ANK3: variants seen among roughly 807,000 people sequenced by gnomAD.
ANK3 encodes ankyrin-3.
In ANK3, 57 loss-of-function variants were observed where a neutral mutation model predicts 370.9. That is an observed-to-expected ratio of 0.15 (90% confidence interval 0.12 to 0.19). The LOEUF (loss-of-function observed/expected upper bound fraction) is 0.19. Among genes scored for constraint, ANK3 ranks in the 10% least tolerant of loss-of-function variants. The pLI, the probability that ANK3 is intolerant of heterozygous loss-of-function variation, is 1.00. For synonymous variants in ANK3, 1,929 were observed against 1,946.3 expected (o/e 0.99, Z 0.23); for missense variants, 4,439 against 5,302.1 (o/e 0.84, Z 5.06).
At chr10:60,670,512 G>C (rs1474353163) in intron 1 of ANK3, among the ~76,000 whole-genome samples, 6 of 151,922 alleles carry the variant, frequency 3.9e-5, no homozygotes, top group Admixed American at 3.3e-4. Flanking sequence ...TCTAACTTTT[G>C]GATTACTGCA....
rs544630244 is a variant in ANK3, at chr10:60,374,822, CAT to C, written c.114+14601_114+14602del. Among the ~76,000 whole-genome samples the C allele has an allele frequency of 1.4e-4, 21 of 152,192 alleles. No homozygotes were observed. In the South Asian group the frequency reaches 2.5e-3, roughly 18 times the overall value. ...GATTCGTTGGTACTTTTGGTACACT[CAT>C]AAAGTAATATGCTATAGATCCTTTG... On this transcript the variant is annotated intron_variant, in intron 1 of 43. Coordinates refer to ENST00000280772, the MANE Select transcript of ANK3 (RefSeq NM_020987.5).
intron 1 of ANK3, among the ~76,000 whole-genome samples, chr10:60,340,618 G>C (rs563088781): frequency 1.3e-5 from 2 of 152,088 alleles, no homozygotes; most frequent in Admixed American, 1.3e-4. Context: ...CACCATGTTG[G>C]CCATGCTGGT....
Position 60,075,454 on chromosome 10 carries a change from A to C in ANK3, c.5427T>G (p.Ser1809=). ...ATGAAGTTACAGATGAGGTAGTTGCAGATATTGACGACCCAAGGGATGTAT... is the reference window on the plus strand; with the variant it reads ...ATGAAGTTACAGATGAGGTAGTTGCCGATATTGACGACCCAAGGGATGTAT... ...ALYTSLGSSI[S]ATTSSVTSSI... Residue 1809 remains serine (S), a synonymous_variant, in exon 37 of 44, where the codon TCT becomes TCG. Transcript: ENST00000280772. 6.2e-7 allele frequency: 1 copy of C among 1,612,676 alleles called. No individual in the cohort carries two copies. The highest frequency in any genetic ancestry group is 8.5e-7 in the Non-Finnish European group (1 of 1,179,992).
intron 43 of ANK3, among the ~76,000 whole-genome samples, chr10:60,034,106 GTTT>G (rs61678524): frequency 1.7e-5 from 2 of 115,888 alleles, no homozygotes; most frequent in African/African-American, 7.0e-5. Context: ...TTGTTTTTTG[GTTT>G]TTTTTTTTTT....
chr10:60,733,206 T>A (rs2080051483), intron 1 of ANK3: 3 of 1,226,610 alleles, frequency 2.4e-6, no homozygotes, highest in African/African-American at 1.6e-5. Flanking sequence ...CCCGCCCGGG[T>A]CCCCGCATGC....
At chr10:60,059,782 T>C (rs1589387631) in intron 40 of ANK3, 10 of 1,614,106 alleles carry the variant, frequency 6.2e-6, no homozygotes, top group South Asian at 1.1e-5. Flanking sequence ...TCCAGTTTGC[T>C]GTCTTCTAAG....
At position 60,070,293 on chromosome 10, in the gene ANK3, T is replaced by C. The variant is rs201731022; in HGVS notation, c.10588A>G (p.Thr3530Ala). ...TTGGTAGCTACTGTTTTAAAAGGAG[T>C]GGCAAATTCTTCATCTACTTTGTAA... is the stretch of plus-strand genomic sequence containing the variant. ...FSYKVDEEFA[T>A]PFKTVATKGL... The change falls in exon 37 of 44, where the codon ACT becomes GCT. Residue 3530 changes from threonine to alanine, a missense_variant. Physicochemically the swap from Thr to Ala is moderately conservative, Grantham distance 58. Around this residue, in one of 13 missense-constraint regions of ANK3, gnomAD observed 1,601 missense variants for 1,731.7 expected, o/e 0.92. Coordinates refer to ENST00000280772, the MANE Select transcript of ANK3 (RefSeq NM_020987.5). This position sits in a 1 kb window ranked among gnomAD's most constrained non-coding sequence, Gnocchi z 5.7. The C allele has an allele frequency of 6.2e-7, 1 of 1,613,998 alleles. No individual in the cohort carries two copies. Among genetic ancestry groups the C allele is most frequent in the East Asian group, 2.2e-5 (1 of 44,848 alleles).
At chr10:60,412,240 T>C (rs1015555906) in intron 2 of ANK3, among the ~76,000 whole-genome samples, 2 of 152,152 alleles carry the variant, frequency 1.3e-5, no homozygotes, top group Non-Finnish European at 2.9e-5. Flanking sequence ...ATGATTAATG[T>C]TTGAATCTAT....
At chr10:60,392,828 C>G (rs1389251210), upstream of ANK3, among the ~76,000 whole-genome samples, 1 of 152,038 alleles carries the variant, frequency 6.6e-6, no homozygotes, top group Non-Finnish European at 1.5e-5. Context: ...ACACGGGAGG[C>G]TGAGGCATGA....
intron 1 of ANK3, among the ~76,000 whole-genome samples, chr10:60,301,328 GTATA>G (rs1319479463): frequency 7.0e-6 from 1 of 142,636 alleles, no homozygotes; most frequent in African/African-American, 2.6e-5. Context: ...ACACACGTGT[GTATA>G]TATACATATA....
At chr10:60,051,651 TTGA>T in intron 42 of ANK3, 1 of 465,898 alleles carries the variant, frequency 2.1e-6, no homozygotes, top group Non-Finnish European at 2.8e-6. Context: ...TTACACTTAC[TTGA>T]TGTTTTCTTC....
intron 23 of ANK3, among the ~76,000 whole-genome samples, chr10:60,141,282 CTATT>C (rs1211500890): frequency 6.6e-6 from 1 of 152,100 alleles, no homozygotes; most frequent in Non-Finnish European, 1.5e-5. Context: ...GTTCTTTCAA[CTATT>C]TAATATGGAG....
At chr10:60,646,224 C>A (rs965542686) in intron 1 of ANK3, among the ~76,000 whole-genome samples, 8 of 151,986 alleles carry the variant, frequency 5.3e-5, no homozygotes, top group African/African-American at 1.9e-4. Flanking sequence ...TCAAGATTGA[C>A]GTGGCAACAT....
intron 2 of ANK3, among the ~76,000 whole-genome samples, chr10:60,521,930 A>G (rs925943118): frequency 6.6e-6 from 1 of 152,040 alleles, no homozygotes; most frequent in Non-Finnish European, 1.5e-5. Flanking sequence ...AGCAAACATA[A>G]CCTCAGGAAT....
intron 1 of ANK3, among the ~76,000 whole-genome samples, chr10:60,655,436 C>T (rs908286744): frequency 2.0e-5 from 3 of 150,234 alleles, no homozygotes; most frequent in East Asian, 2.0e-4. Flanking sequence ...TAAACAGAGA[C>T]GTTTAAAGAG....
intron 2 of ANK3, among the ~76,000 whole-genome samples, chr10:60,526,990 C>T (rs563645699): frequency 3.3e-5 from 5 of 152,152 alleles, no homozygotes; most frequent in Admixed American, 6.6e-5. Context: ...CATACATACA[C>T]GTATATATAC....
chr10:60,456,838 C>A (rs2064761374), intron 2 of ANK3, among the ~76,000 whole-genome samples: 1 of 152,160 alleles, frequency 6.6e-6, no homozygotes, highest in African/African-American at 2.4e-5. Flanking sequence ...TAGATTTTTG[C>A]TTCCTGCTGC....
chr10:60,367,198 C>A (rs1254586699), intron 1 of ANK3, among the ~76,000 whole-genome samples: 3 of 152,208 alleles, frequency 2.0e-5, no homozygotes, highest in African/African-American at 7.2e-5. Context: ...ATGGCACAGA[C>A]TGCCTTACAT....
chr10:60,326,883 C>T (rs1321854727), intron 1 of ANK3, among the ~76,000 whole-genome samples: 2 of 65,390 alleles, frequency 3.1e-5, no homozygotes, highest in African/African-American at 4.8e-5. Flanking sequence ...TAGTCGGGTG[C>T]GGTGCGGGCG....
Sources: allele counts gnomAD v4.1 joint callset (sites outside exome capture counted in the v4.1 genomes callset), GRCh38; gene constraint gnomAD v4.1.1; regional missense constraint gnomAD v4.1.1; non-coding constraint Gnocchi (gnomAD v3.1); transcripts MANE v1.5; gene names NCBI Gene and HGNC (gene_info 2026-07-23, HGNC 2026-07-21).